Variants in BRD9 observed in about 807,000 individuals in gnomAD.
The protein encoded by BRD9 is bromodomain containing 9.
A neutral mutation model predicts 68.7 loss-of-function variants in BRD9; 47 were observed. That is an observed-to-expected ratio of 0.68 (90% CI 0.54 to 0.87). BRD9 has a LOEUF of 0.87. Among genes scored for constraint, BRD9 ranks in the 40% least tolerant of loss-of-function variants. The pLI, the probability that BRD9 is intolerant of heterozygous loss-of-function variation, is 0.00. For synonymous variants in BRD9, 313 were observed against 293.9 expected, an observed-to-expected ratio of 1.06 and a Z score of -0.67; for missense variants, 670 against 748.4, an observed-to-expected ratio of 0.90 and a Z score of 1.22.
chr5:883,785 A>G (rs1752149921), intron 8 of BRD9, 153 bp downstream of exon 8: 2 of 1,077,640 alleles, frequency 1.9e-6, no homozygotes, highest in Middle Eastern at 2.5e-4. Flanking sequence ...GACCAGCCTT[A>G]TGTGTGTCTG....
intron 5 of BRD9, among the ~76,000 whole-genome samples, chr5:888,756 C>T (rs906787508): frequency 3.3e-5 from 5 of 152,216 alleles, no homozygotes; most frequent in African/African-American, 1.2e-4. Context: ...AACAACATGT[C>T]CTATTTACGC....
At chr5:888,137 A>G (rs1166875177) in intron 5 of BRD9, 1 of 153,878 alleles carries the variant, frequency 6.5e-6, no homozygotes, top group East Asian at 1.9e-4. Context: ...CCGGTTCCAG[A>G]GCCAGCAGCC....
intron 12 of BRD9, 152 bp from the exon 13 acceptor site, chr5:871,716 G>A (rs1750155161): frequency 5.4e-6 from 4 of 744,746 alleles, no homozygotes; most frequent in South Asian, 3.3e-5. Flanking sequence ...AAGGCTGGGG[G>A]TCCTCCAAAC....
At chr5:871,024 C>G (rs540363691) in intron 13 of BRD9, among the ~76,000 whole-genome samples, 1 of 152,360 alleles carries the variant, frequency 6.6e-6, no homozygotes, top group South Asian at 2.1e-4. Flanking sequence ...CCCTGCAGCT[C>G]GGCCTCTGCC....
In BRD9 at chr5:870,344, A is replaced by T. The variant is rs552219622; in HGVS notation, c.1525+129T>A. The T allele has an allele frequency of 5.1e-5, 36 of 712,506 alleles. No homozygotes were observed. The African/African-American group carries it at 5.5e-4, about 11-fold the overall frequency. The allele number at this position is 712,506 out of a possible 1,614,324, so 44.1% of individuals were successfully genotyped here. A position where few individuals can be genotyped will look rare whatever the true frequency, so the allele number is the denominator to read the frequency against. Reference sequence around the variant, plus strand: ...GTCCAAAAACCTGGGACAAAGACCAAATACCGTAACAAAAGATTTTCCTGG... The same window carrying T: ...GTCCAAAAACCTGGGACAAAGACCATATACCGTAACAAAAGATTTTCCTGG... On this transcript the variant is annotated intron_variant, in intron 14 of 15. Transcript: ENST00000467963.
At chr5:890,315 C>T (rs73733991) in intron 3 of BRD9, among the ~76,000 whole-genome samples, 1 of 152,162 alleles carries the variant, frequency 6.6e-6, no homozygotes, top group Non-Finnish European at 1.5e-5. Flanking sequence ...TTCTGACGGC[C>T]TGAATGATCG....
chr5:881,969 G>T (rs912059827), intron 8 of BRD9: 1 of 152,568 alleles, frequency 6.6e-6, no homozygotes, highest in Non-Finnish European at 1.5e-5. Flanking sequence ...GAGGGAACTG[G>T]AAGTTTCCGT....
intron 12 of BRD9, among the ~76,000 whole-genome samples, chr5:873,645 C>A (rs1324527357): frequency 6.6e-6 from 1 of 152,186 alleles, no homozygotes; most frequent in Non-Finnish European, 1.5e-5. Flanking sequence ...TATACATGAG[C>A]CTCCTGGCCC....
intron 12 of BRD9, among the ~76,000 whole-genome samples, chr5:872,226 T>A (rs1750254925): frequency 6.6e-6 from 1 of 152,260 alleles, no homozygotes; most frequent in Admixed American, 6.5e-5. Flanking sequence ...TTGTTCGAAA[T>A]AATGTTTCTC....
At chr5:872,052 C>A (rs79386703) in intron 12 of BRD9, among the ~76,000 whole-genome samples, 1 of 151,862 alleles carries the variant, frequency 6.6e-6, no homozygotes, top group Admixed American at 6.6e-5. Flanking sequence ...GTGGGCCTGC[C>A]GTGGGCGCAG....
intron 9 of BRD9, among the ~76,000 whole-genome samples, chr5:880,603 T>C (rs1751592842): frequency 6.6e-6 from 1 of 152,134 alleles, no homozygotes; most frequent in African/African-American, 2.4e-5. Flanking sequence ...GATCACACTT[T>C]CGTTCAAAGG....
intron 8 of BRD9, among the ~76,000 whole-genome samples, chr5:882,718 C>T (rs1751958929): frequency 6.6e-6 from 1 of 150,580 alleles, no homozygotes; most frequent in Non-Finnish European, 1.5e-5. Flanking sequence ...ATAAGCCACA[C>T]AGACCACAGC....
At chr5:885,581 G>C (rs1292624735) in intron 7 of BRD9, among the ~76,000 whole-genome samples, 1 of 152,254 alleles carries the variant, frequency 6.6e-6, no homozygotes, top group Non-Finnish European at 1.5e-5. Flanking sequence ...ATACACTTCA[G>C]CAGAAACCAT....
intron 3 of BRD9, among the ~76,000 whole-genome samples, 189 bp downstream of exon 3, chr5:890,966 C>T (rs1025637936): frequency 2.6e-5 from 4 of 152,200 alleles, no homozygotes; most frequent in Non-Finnish European, 4.4e-5. Context: ...TAACTGGCCA[C>T]GCCTTGCTCT....
chr5:891,052 T>G, intron 3 of BRD9, 103 bp downstream of exon 3: 1 of 1,380,510 alleles, frequency 7.2e-7, no homozygotes, highest in South Asian at 1.5e-5. Context: ...CCAGCTCTCC[T>G]CCCTCCCATG....
chr5:877,490 A>G (rs1266697262), intron 11 of BRD9, among the ~76,000 whole-genome samples: 1 of 152,258 alleles, frequency 6.6e-6, no homozygotes, highest in African/African-American at 2.4e-5. Context: ...GTTGGAATAA[A>G]ATGAAGACCT....
intron 1 of BRD9, 91 bp downstream of exon 1, chr5:892,515 C>T (rs1047981107): frequency 1.3e-5 from 19 of 1,491,336 alleles, no homozygotes; most frequent in Middle Eastern, 3.9e-4. Context: ...GGACCTCGCC[C>T]GGTGCCCAGG....
At chr5:888,846 G>A (rs1752940154) in intron 5 of BRD9, among the ~76,000 whole-genome samples, 175 bp downstream of exon 5, 1 of 152,204 alleles carries the variant, frequency 6.6e-6, no homozygotes, top group Admixed American at 6.5e-5. Flanking sequence ...AAAGCACAGA[G>A]AAAACGTTCA....
chr5:878,300 C>CA, intron 11 of BRD9, 55 bp downstream of exon 11: 1 of 1,602,744 alleles, frequency 6.2e-7, no homozygotes. Flanking sequence ...CGTCCCACAC[C>CA]AGGGCACAGC....
Sources: allele counts gnomAD v4.1 joint callset (sites outside exome capture counted in the v4.1 genomes callset), GRCh38; gene constraint gnomAD v4.1.1; transcripts MANE v1.5; gene names NCBI Gene and HGNC (gene_info 2026-07-23, HGNC 2026-07-21).